TENM4: variants seen among roughly 807,000 people sequenced by gnomAD.
TENM4 encodes the protein teneurin-4.
In TENM4, 82 loss-of-function variants were observed where a neutral mutation model predicts 243.3. That is an observed-to-expected ratio of 0.34 (90% CI 0.28 to 0.40). TENM4 has a LOEUF of 0.40. Among genes scored for constraint, TENM4 ranks in the 10% least tolerant of loss-of-function variants. TENM4 has a pLI of 1.00. For missense variants in TENM4, 3,138 were observed against 3,673.3 expected, an observed-to-expected ratio of 0.85 and a Z score of 3.77; for synonymous variants, 1,412 against 1,456.3, an observed-to-expected ratio of 0.97 and a Z score of 0.69.
intron 18 of TENM4, among the ~76,000 whole-genome samples, chr11:78,766,744 C>T (rs1418101943): frequency 1.3e-5 from 2 of 150,488 alleles, no homozygotes; most frequent in African/African-American, 4.9e-5. Context: ...CCTCTGTTGC[C>T]CTGGCTGGAG....
At chr11:79,225,775 G>T (rs2135248910) in intron 2 of TENM4, among the ~76,000 whole-genome samples, 1 of 152,256 alleles carries the variant, frequency 6.6e-6, no homozygotes, top group African/African-American at 2.4e-5. Context: ...GAGCCACCGT[G>T]CTCAGTCCTT....
At chr11:79,051,892 G>T (rs1282058070) in intron 6 of TENM4, among the ~76,000 whole-genome samples, 1 of 152,152 alleles carries the variant, frequency 6.6e-6, no homozygotes, top group African/African-American at 2.4e-5. Context: ...CCATTTCTGC[G>T]TTAGTTTGCT....
chr11:78,720,627 T>TTCCC, intron 24 of TENM4, among the ~76,000 whole-genome samples: 1 of 152,346 alleles, frequency 6.6e-6, no homozygotes, highest in East Asian at 1.9e-4. Context: ...GCACCACTAC[T>TTCCC]GCTGACTTTG....
intron 3 of TENM4, among the ~76,000 whole-genome samples, chr11:79,213,654 T>C (rs1863993663): frequency 6.6e-6 from 1 of 152,076 alleles, no homozygotes; most frequent in Non-Finnish European, 1.5e-5. Context: ...GGGCTGGGCG[T>C]TGGGGAACCA....
chr11:79,409,114 GTGCGTGCACGCGCACGCACA>G (rs1565334679), intron 1 of TENM4, among the ~76,000 whole-genome samples: 8 of 143,606 alleles, frequency 5.6e-5, no homozygotes, highest in Admixed American at 6.8e-5. Flanking sequence ...GCGCGCGCGC[GTGCGTGCACGCGCACGCACA>G]TGCGTGAGAG....
intron 3 of TENM4, among the ~76,000 whole-genome samples, chr11:79,206,911 T>C (rs574124085): frequency 6.6e-6 from 1 of 152,274 alleles, no homozygotes; most frequent in South Asian, 2.1e-4. Context: ...AATTTCTTAG[T>C]CCTGGGCAGG....
At chr11:79,351,242 C>G (rs1165334809) in intron 1 of TENM4, among the ~76,000 whole-genome samples, 1 of 152,164 alleles carries the variant, frequency 6.6e-6, no homozygotes, top group Non-Finnish European at 1.5e-5. Flanking sequence ...GGTTTTTCTT[C>G]CTATCACTCT....
intron 1 of TENM4, among the ~76,000 whole-genome samples, chr11:79,386,777 A>T (rs982111540): frequency 1.3e-4 from 20 of 151,248 alleles, no homozygotes; most frequent in Admixed American, 4.6e-4. Flanking sequence ...GAGCAAAAAA[A>T]TTTTTTTTTA....
rs1012458269 is a variant in TENM4, at chr11:79,220,045, C to T, written c.-264-4136G>A. Among the ~76,000 whole-genome samples, 9 of 152,188 alleles carry T rather than the reference C, an allele frequency of 5.9e-5. No individual in the cohort carries two copies. The East Asian group carries it at 9.6e-4, about 16-fold the overall frequency. ...ACCCGGAGCAGTGGATACAGAAACC[C>T]GGGAGAAAATCTTCTGGATACCCAG... On this transcript the variant is annotated intron_variant, in intron 2 of 33. Coordinates refer to ENST00000278550, the MANE Select transcript of TENM4 (RefSeq NM_001098816.3).
chr11:78,759,732 T>C (rs1392034274), intron 18 of TENM4, among the ~76,000 whole-genome samples: 1 of 152,204 alleles, frequency 6.6e-6, no homozygotes, highest in African/African-American at 2.4e-5. Context: ...CTGCTAAATA[T>C]ATTACAAGGA....
At chr11:78,894,652 T>A (rs1359657067) in intron 7 of TENM4, among the ~76,000 whole-genome samples, 1 of 152,112 alleles carries the variant, frequency 6.6e-6, no homozygotes, top group African/African-American at 2.4e-5. Flanking sequence ...GCATATTAAT[T>A]ATTTAGATCT....
intron 2 of TENM4, among the ~76,000 whole-genome samples, chr11:79,243,969 G>A (rs545307552): frequency 6.6e-6 from 1 of 152,198 alleles, no homozygotes; most frequent in South Asian, 2.1e-4. Flanking sequence ...GCCTTGGGTG[G>A]AGCCTGAGAG....
At chr11:79,252,579 C>G (rs1289530554) in intron 2 of TENM4, among the ~76,000 whole-genome samples, 1 of 152,194 alleles carries the variant, frequency 6.6e-6, no homozygotes, top group Non-Finnish European at 1.5e-5. Context: ...AAAACTAGGG[C>G]AACTACTGGG....
rs1034512837 is a variant in TENM4 at position 78,780,086 on chromosome 11, G to A, written c.2366-1458C>T. Among the ~76,000 whole-genome samples the A allele has an allele frequency of 2.6e-5, 4 of 152,108 alleles. 1 individual carries two copies. The highest frequency in any genetic ancestry group is 2.0e-4 in the Admixed American group (3 of 15,280). The stretch of plus-strand genomic sequence containing the variant: ...GCTTTTCTTCATTCTTACAGATGTC[G>A]TGGAGTCCATGAGATGCAGGATACA... On this transcript the variant is annotated intron_variant, in intron 16 of 33. Coordinates refer to ENST00000278550, the MANE Select transcript of TENM4 (RefSeq NM_001098816.3).
intron 1 of TENM4, among the ~76,000 whole-genome samples, chr11:79,381,925 G>A (rs1858012692): frequency 6.6e-6 from 1 of 152,128 alleles, no homozygotes; most frequent in South Asian, 2.1e-4. Context: ...CTTGACAATG[G>A]ACGGGCTATA....
chr11:79,141,236 C>T (rs1862279482), intron 4 of TENM4, among the ~76,000 whole-genome samples: 1 of 151,874 alleles, frequency 6.6e-6, no homozygotes, highest in Non-Finnish European at 1.5e-5. Context: ...GACTGTGACT[C>T]AACATTAAGA....
At chr11:79,240,641 C>T (rs981511404) in intron 2 of TENM4, among the ~76,000 whole-genome samples, 8 of 152,096 alleles carry the variant, frequency 5.3e-5, no homozygotes, top group African/African-American at 1.2e-4. Flanking sequence ...GATTTCAGTC[C>T]GGCCATCTGA....
At chr11:79,416,694 G>A (rs951089182) in intron 1 of TENM4, among the ~76,000 whole-genome samples, 3 of 152,118 alleles carry the variant, frequency 2.0e-5, no homozygotes, top group Non-Finnish European at 4.4e-5. Flanking sequence ...GGGAAACTGA[G>A]GCTTAACAAG....
intron 16 of TENM4, among the ~76,000 whole-genome samples, chr11:78,785,933 C>T (rs921914362): frequency 1.3e-5 from 2 of 151,300 alleles, no homozygotes; most frequent in Non-Finnish European, 2.9e-5. Flanking sequence ...ATCCTGCCTT[C>T]TAAAGCCATG....
Sources: gnomAD v4.1 joint callset for allele counts (sites outside exome capture counted in the v4.1 genomes callset) on GRCh38, gnomAD v4.1.1 for gene constraint, MANE v1.5 for transcripts, NCBI Gene and HGNC (gene_info 2026-07-23, HGNC 2026-07-21) for gene names.